Variants in ITPR1 observed in about 807,000 individuals in gnomAD.
ITPR1 encodes inositol 1,4,5-trisphosphate receptor type 1.
A neutral mutation model predicts 318.4 loss-of-function variants in ITPR1; 96 were observed. The ratio of observed to expected loss-of-function variants is 0.30; its 90% CI spans 0.26 to 0.36. The LOEUF is 0.36. Among genes scored for constraint, ITPR1 ranks in the 10% least tolerant of loss-of-function variants. The pLI is 1.00. For synonymous variants in ITPR1, 1,312 were observed against 1,289.9 expected (o/e 1.02, Z -0.37); for missense variants, 2,440 against 3,460.2 (o/e 0.71, Z 7.40).
intron 4 of ITPR1, among the ~76,000 whole-genome samples, chr3:4,598,031 A>G (rs2090983461): frequency 1.3e-5 from 2 of 152,312 alleles, no homozygotes; most frequent in South Asian, 4.1e-4. Context: ...GTGCCTGCTG[A>G]GTCTTCCGTT....
At chr3:4,742,754 C>A (rs889076651) in intron 44 of ITPR1, among the ~76,000 whole-genome samples, 1 of 152,144 alleles carries the variant, frequency 6.6e-6, no homozygotes, top group Non-Finnish European at 1.5e-5. Context: ...CCACCATGCT[C>A]GGTTCTAATT....
chr3:4,742,586 T>G (rs1352399615), intron 44 of ITPR1, among the ~76,000 whole-genome samples: 1 of 152,206 alleles, frequency 6.6e-6, no homozygotes, highest in Non-Finnish European at 1.5e-5. Context: ...ATCTGGCCAA[T>G]ACAAAGATCT....
intron 41 of ITPR1, among the ~76,000 whole-genome samples, chr3:4,726,739 G>A (rs1437425818): frequency 6.6e-6 from 1 of 152,208 alleles, no homozygotes; most frequent in African/African-American, 2.4e-5. Context: ...ATGTCCTTAT[G>A]CATGTGCTGT....
chr3:4,527,977 A>G (rs759038033), intron 4 of ITPR1, among the ~76,000 whole-genome samples: 48 of 152,170 alleles, frequency 3.2e-4, no homozygotes, highest in African/African-American at 1.1e-3. Flanking sequence ...AGGGTCCTCA[A>G]ATAAGAATGG....
intron 52 of ITPR1, among the ~76,000 whole-genome samples, chr3:4,790,133 GTGAGA>G (rs2047460835): frequency 1.3e-5 from 2 of 152,238 alleles, no homozygotes; most frequent in African/African-American, 4.8e-5. Context: ...ACCTTTTCTG[GTGAGA>G]TGAGATATCT....
At chr3:4,541,584 T>C (rs967759385) in intron 4 of ITPR1, among the ~76,000 whole-genome samples, 6 of 152,180 alleles carry the variant, frequency 3.9e-5, no homozygotes, top group Non-Finnish European at 8.8e-5. Context: ...AGGTTGTTTT[T>C]TGTTAGCAAT....
rs370180824 is a variant in ITPR1 at position 4,697,110 on chromosome 3, A to C, written c.4282-37A>C. ...CAGCTAATGAGTTCCATACACACCA[A>C]GATGGTTTTTCAGAAAAGCTTCTTT... On this transcript the variant is annotated intron_variant, in intron 33 of 61. Transcript: ENST00000649015. 492 of 1,604,250 alleles carry C rather than the reference A, an allele frequency of 3.1e-4. 2 individuals are homozygous for C. In the African/African-American group the frequency reaches 6.0e-3, roughly 20 times the overall value.
intron 4 of ITPR1, among the ~76,000 whole-genome samples, chr3:4,538,798 T>C (rs7624201): frequency 0.036 from 5,445 of 152,282 alleles, 321 homozygotes; most frequent in African/African-American, 0.12. Flanking sequence ...ACATTGCATG[T>C]TCTCACTTAT....
At position 4,624,336 on chromosome 3, in the gene ITPR1, A is replaced by G. The variant is rs932073117; in HGVS notation, c.164-3427A>G. ...ATTTTAAAAAGTCATGTGGTCATTA[A>G]GGAAGCCATTCTGGCCCAACCCAGT... is the stretch of plus-strand genomic sequence containing the variant. On this transcript the variant is annotated intron_variant, in intron 4 of 61. Coordinates refer to ENST00000649015, the MANE Select transcript of ITPR1 (RefSeq NM_001378452.1). Among the ~76,000 whole-genome samples the G allele has an allele frequency of 3.3e-5, 5 of 152,360 alleles. No individual in the cohort carries two copies. In the East Asian group the frequency reaches 9.6e-4, roughly 29 times the overall value.
intron 2 of ITPR1, among the ~76,000 whole-genome samples, chr3:4,506,483 A>T (rs1363883968): frequency 1.3e-5 from 2 of 152,126 alleles, no homozygotes; most frequent in Non-Finnish European, 2.9e-5. Context: ...TTGCATTGTC[A>T]CTTAATCATA....
chr3:4,715,572 G>A (rs2041706444), intron 39 of ITPR1, among the ~76,000 whole-genome samples: 1 of 152,226 alleles, frequency 6.6e-6, no homozygotes, highest in Non-Finnish European at 1.5e-5. Flanking sequence ...AACTATCATG[G>A]CCGGATATGG....
chr3:4,603,591 A>G (rs573137341), intron 4 of ITPR1, among the ~76,000 whole-genome samples: 73 of 152,008 alleles, frequency 4.8e-4, no homozygotes, highest in Non-Finnish European at 8.2e-4. Context: ...CACCACACCT[A>G]GCTAATTTTT....
chr3:4,567,630 G>A (rs745453765), intron 4 of ITPR1, among the ~76,000 whole-genome samples: 21 of 151,476 alleles, frequency 1.4e-4, no homozygotes, highest in Non-Finnish European at 2.8e-4. Flanking sequence ...TTTTGAGACG[G>A]GGTCTTACTC....
At chr3:4,554,623 A>G (rs913879366) in intron 4 of ITPR1, among the ~76,000 whole-genome samples, 1 of 151,908 alleles carries the variant, frequency 6.6e-6, no homozygotes, top group African/African-American at 2.4e-5. Flanking sequence ...GGTTACATCA[A>G]CCCCCTGAGA....
At chr3:4,828,629 C>T (rs568058785) in intron 60 of ITPR1, among the ~76,000 whole-genome samples, 28 of 152,302 alleles carry the variant, frequency 1.8e-4, no homozygotes, top group Middle Eastern at 6.8e-3. Context: ...AATCCTCCAC[C>T]GGTGGCCCCA....
intron 4 of ITPR1, among the ~76,000 whole-genome samples, chr3:4,526,895 T>C (rs2083024700): frequency 6.6e-6 from 1 of 152,226 alleles, no homozygotes; most frequent in Admixed American, 6.5e-5. Context: ...AGAAACTTCT[T>C]TAGAGTAATT....
intron 13 of ITPR1, among the ~76,000 whole-genome samples, chr3:4,659,165 G>A (rs112440760): frequency 0.011 from 1,740 of 152,248 alleles, 21 homozygotes; most frequent in Non-Finnish European, 0.02. Flanking sequence ...TGGATTACAC[G>A]TATGGCCCCT....
At chr3:4,541,624 A>G (rs957635806) in intron 4 of ITPR1, among the ~76,000 whole-genome samples, 37 of 151,790 alleles carry the variant, frequency 2.4e-4, no homozygotes, top group African/African-American at 9.0e-4. Context: ...TTATCTATTC[A>G]AATACCACTT....
In ITPR1 at chr3:4,710,346, G is replaced by A; in HGVS notation, c.4864G>A (p.Asp1622Asn). ...TTAGGACATCGTCTCCGCGCTGGAG[G>A]ACCGTCTCAGGCCCCTGGTGCAGGC... Reference protein sequence around the residue: ...RLQDIVSALEDRLRPLVQAEL... With the variant: ...RLQDIVSALENRLRPLVQAEL... The change falls in exon 38 of 62, where the codon GAC (aspartate) becomes AAC (asparagine). Residue 1622 changes from aspartate to asparagine, a missense_variant. By Grantham distance (23) the Asp-to-Asn change is conservative (BLOSUM62 1). This residue lies in a region of ITPR1 where 166 missense variants were observed against 246.5 expected (regional missense o/e 0.67). Coordinates refer to ENST00000649015, the MANE Select transcript of ITPR1 (RefSeq NM_001378452.1). The surrounding 1 kb of genome is among the most constrained non-coding windows in gnomAD (Gnocchi z 4.2). 1 of 1,566,864 alleles carries A rather than the reference G, an allele frequency of 6.4e-7. No homozygotes were observed. Among genetic ancestry groups the A allele is most frequent in the Non-Finnish European group, 8.7e-7 (1 of 1,153,522 alleles).
Sources: gnomAD v4.1 joint callset for allele counts (sites outside exome capture counted in the v4.1 genomes callset) on GRCh38, gnomAD v4.1.1 for gene constraint, gnomAD v4.1.1 regional missense constraint, Gnocchi (gnomAD v3.1) non-coding constraint, MANE v1.5 for transcripts, NCBI Gene and HGNC (gene_info 2026-07-23, HGNC 2026-07-21) for gene names.